The following GATA5 variants were observed in gnomAD, a reference collection of about 807,000 sequenced individuals.
The protein encoded by GATA5 is GATA binding protein 5, also known as transcription factor GATA-5.
Under a neutral mutation model 35.0 loss-of-function variants are expected in GATA5, and 27 were observed. That is an observed-to-expected ratio of 0.77 (90% CI 0.57 to 1.06). GATA5 has a LOEUF of 1.06. GATA5 is among the 50% of genes least tolerant of loss of function. GATA5 has a pLI of 0.00. For missense variants in GATA5, 612 were observed against 580.0 expected (o/e 1.06, Z -0.57); for synonymous variants, 306 against 267.8 (o/e 1.14, Z -1.39).
At position 62,471,432 on chromosome 20, in the gene GATA5, A is replaced by ATTT. The variant is rs574764628; in HGVS notation, c.699+1968_699+1970dup. ...TAAAGAGAAGTTAATTTCAATTACA[A>ATTT]TTTTTTTTTTTTTTTTTGTGATGAG... On this transcript the variant is annotated intron_variant, in intron 3 of 6. Transcript: ENST00000252997. Among the ~76,000 whole-genome samples the ATTT allele has an allele frequency of 1.6e-3, 127 of 81,776 alleles. 16 individuals carry two copies. Among genetic ancestry groups the ATTT allele is most frequent in the East Asian group, 8.0e-3 (23 of 2,878 alleles). 53.6% of individuals were successfully genotyped at this position (81,776 alleles called of 152,430 possible).
rs181577536 is a variant in GATA5, at chr20:62,473,688, G to C, written c.524-110C>G. On this transcript the variant is annotated intron_variant, in intron 2 of 6. Transcript: ENST00000252997. ...AGGAGCCTGGCGGCTTTCGTCAGAC[G>C]AATAAACTTAAGGCACAAATCTTGT... 616 of 984,946 alleles carry C rather than the reference G, an allele frequency of 6.3e-4. 4 individuals are homozygous for C. Among genetic ancestry groups the C allele is most frequent in the Admixed American group, 1.9e-3 (64 of 34,372 alleles). 61.0% of individuals were successfully genotyped at this position (984,946 alleles called of 1,614,324 possible).
At chr20:62,467,001 G>A (rs782193277) in intron 3 of GATA5, among the ~76,000 whole-genome samples, 7 of 152,310 alleles carry the variant, frequency 4.6e-5, no homozygotes, top group East Asian at 1.9e-4. Flanking sequence ...CTCCCAGGCC[G>A]GGGGGCCCCA....
chr20:62,467,704 G>A (rs1555896216), intron 3 of GATA5, among the ~76,000 whole-genome samples: 1 of 152,222 alleles, frequency 6.6e-6, no homozygotes, highest in Non-Finnish European at 1.5e-5. Flanking sequence ...GTGTGCCTCA[G>A]GCACAGGACG....
rs782240636 is a variant in GATA5, at chr20:62,475,105, G to A, written c.417C>T (p.Ser139=). ...PLGRPVGTSY[S]ATYPAYVSPD... ...GGCTCACGTAGGCCGGGTAGGTGGC[G>A]GAGTACGAGGTCCCCACCGGCCGCC... The change falls in exon 2 of 7, where the codon TCC becomes TCT. Residue 139 remains serine (S), a synonymous_variant. Coordinates refer to ENST00000252997, the MANE Select transcript of GATA5 (RefSeq NM_080473.5). 5 of 1,395,670 alleles carry A rather than the reference G, an allele frequency of 3.6e-6. No individual in the cohort carries two copies. In the African/African-American group the frequency reaches 4.5e-5, roughly 13 times the overall value. 86.5% of individuals were successfully genotyped at this position (1,395,670 alleles called of 1,614,324 possible). A position where few individuals can be genotyped will look rare whatever the true frequency, so the allele number is the denominator to read the frequency against.
intron 3 of GATA5, among the ~76,000 whole-genome samples, 154 bp downstream of exon 3, chr20:62,473,249 G>T (rs1848331968): frequency 6.6e-6 from 1 of 152,236 alleles, no homozygotes. Context: ...ACCTGAGCCG[G>T]CCTGACCTGA....
chr20:62,473,623 G>A, intron 2 of GATA5, 45 bp from the exon 3 acceptor site: 1 of 1,540,956 alleles, frequency 6.5e-7, no homozygotes, highest in Non-Finnish European at 8.8e-7. Context: ...CCCCTCCCCA[G>A]GATCCTCCCC....
intron 3 of GATA5, 61 bp from the exon 4 acceptor site, chr20:62,466,612 A>T: frequency 2.0e-6 from 3 of 1,513,100 alleles, no homozygotes; most frequent in Non-Finnish European, 2.7e-6. Context: ...GAGCAGGGGG[A>T]CGGAAGCGAG....
Position 62,465,372 on chromosome 20 carries a change from GGGACGCCA to G in GATA5, c.998_1005del (p.Leu333ProfsTer18). 1 of 1,604,216 alleles carries G rather than the reference GGGACGCCA, an allele frequency of 6.2e-7. No homozygotes were observed. The highest frequency in any genetic ancestry group is 8.5e-7 in the Non-Finnish European group (1 of 1,179,564). ...GCCATGCTGGGCCCAGGGCACACTG[GGGACGCCA>G]GGCTGGGCTTGGCTTTCGAAGTGGC... On this transcript the variant is annotated frameshift_variant, in exon 6 of 7. Coordinates refer to ENST00000252997, the MANE Select transcript of GATA5 (RefSeq NM_080473.5). LOFTEE classifies it low-confidence loss of function (END_TRUNC).
At position 62,473,514 on chromosome 20, in the gene GATA5, G is replaced by C; in HGVS notation, c.588C>G (p.Ser196=). Residue 196 remains serine (S), a synonymous_variant, in exon 3 of 7, where the codon TCC becomes TCG. Transcript: ENST00000252997. ...GRECVNCGAL[S]TPLWRRDGTG... ...TGCCGTCTCGGCGCCACAGCGGTGT[G>C]GACAGGGCCCCGCAGTTGACACACT... 1 of 1,608,756 alleles carries C rather than the reference G, an allele frequency of 6.2e-7. No individual in the cohort carries two copies. The highest frequency in any genetic ancestry group is 8.5e-7 in the Non-Finnish European group (1 of 1,178,176).
chr20:62,469,858 C>T (rs1989680476), intron 3 of GATA5, among the ~76,000 whole-genome samples: 1 of 152,168 alleles, frequency 6.6e-6, no homozygotes, highest in African/African-American at 2.4e-5. Flanking sequence ...CTGGGGAGGC[C>T]CGGGGTGGAC....
chr20:62,474,282 G>C (rs975152735), intron 2 of GATA5, among the ~76,000 whole-genome samples: 4 of 152,202 alleles, frequency 2.6e-5, no homozygotes, highest in African/African-American at 7.2e-5. Context: ...GGCGCCGAGT[G>C]GGGGTGGGGC....
intron 3 of GATA5, among the ~76,000 whole-genome samples, chr20:62,469,838 C>G (rs1989680018): frequency 6.6e-6 from 1 of 152,216 alleles, no homozygotes; most frequent in Non-Finnish European, 1.5e-5. Context: ...AGCTGCGGGA[C>G]CAGAGGAAAC....
intron 3 of GATA5, among the ~76,000 whole-genome samples, chr20:62,472,321 G>T (rs1180366602): frequency 6.6e-6 from 1 of 152,208 alleles, no homozygotes; most frequent in African/African-American, 2.4e-5. Flanking sequence ...GACCTCCCAC[G>T]CTCAGGTCCT....
In GATA5 at chr20:62,474,995, T is replaced by C; in HGVS notation, c.523+4A>G. 7.6e-7 allele frequency: 1 copy of C among 1,320,132 alleles called. No individual in the cohort carries two copies. Among genetic ancestry groups the C allele is most frequent in the Non-Finnish European group, 9.7e-7 (1 of 1,030,990 alleles). The allele number at this position is 1,320,132 out of a possible 1,614,324, so 81.8% of individuals were successfully genotyped here. A position where few individuals can be genotyped will look rare whatever the true frequency, so the allele number is the denominator to read the frequency against. On this transcript the variant is annotated splice_donor_region_variant and intron_variant, in intron 2 of 6. Coordinates refer to ENST00000252997, the MANE Select transcript of GATA5 (RefSeq NM_080473.5). Reference sequence around the variant, plus strand: ...CCCCGAGACTGTGGAGCCCCCGCACTCACCGAAGGTGGGCCTGCGGCCTGG... The same window carrying C: ...CCCCGAGACTGTGGAGCCCCCGCACCCACCGAAGGTGGGCCTGCGGCCTGG...
rs782650347 is a variant in GATA5, at chr20:62,466,407, C to T, written c.825+19G>A. On this transcript the variant is annotated intron_variant, in intron 4 of 6. Transcript: ENST00000252997. ...GCTGGACAGAGGCCTCCCCGCCCTGCCCCGGGGACCACACTCACCCCGTGC... is the reference window on the plus strand; with the variant it reads ...GCTGGACAGAGGCCTCCCCGCCCTGTCCCGGGGACCACACTCACCCCGTGC... The T allele has an allele frequency of 3.8e-6, 6 of 1,567,836 alleles. No homozygotes were observed. Among genetic ancestry groups the T allele is most frequent in the Non-Finnish European group, 4.3e-6 (5 of 1,156,888 alleles).
intron 3 of GATA5, 112 bp from the exon 4 acceptor site, chr20:62,466,663 G>A (rs1184223876): frequency 2.4e-6 from 3 of 1,260,764 alleles, no homozygotes; most frequent in African/African-American, 3.0e-5. Flanking sequence ...CCGGTGAGAA[G>A]GTCGTGAGCT....
intron 2 of GATA5, among the ~76,000 whole-genome samples, chr20:62,473,941 A>T (rs6089230): frequency 0.034 from 5,072 of 150,918 alleles, 114 homozygotes; most frequent in Non-Finnish European, 0.047. Context: ...CTGGCGGGGG[A>T]GGTGGATGAA....
intron 2 of GATA5, 109 bp from the exon 3 acceptor site, chr20:62,473,687 C>G: frequency 1.0e-6 from 1 of 990,262 alleles, no homozygotes; most frequent in Non-Finnish European, 1.5e-6. Context: ...TTTCGTCAGA[C>G]GAATAAACTT....
Position 62,464,118 on chromosome 20 carries a change from T to C in GATA5, c.*718A>G, listed in dbSNP as rs1486416967. 6.9e-6 allele frequency: 1 copy of C among 144,280 alleles called. No homozygotes were observed. The highest frequency in any genetic ancestry group is 2.5e-5 in the African/African-American group (1 of 40,758). 8.9% of individuals were successfully genotyped at this position (144,280 alleles called of 1,614,324 possible). A position where few individuals can be genotyped will look rare whatever the true frequency, so the allele number is the denominator to read the frequency against. On this transcript the variant is annotated 3_prime_UTR_variant, in exon 7 of 7. Coordinates refer to ENST00000252997, the MANE Select transcript of GATA5 (RefSeq NM_080473.5). ...GACAATTCATTCTGCCTGTCAGAAA[T>C]GGTCATGATACACAGATTCAGCTAG...
Sources: gnomAD v4.1 joint callset for allele counts (sites outside exome capture counted in the v4.1 genomes callset) on GRCh38, gnomAD v4.1.1 for gene constraint, MANE v1.5 for transcripts, NCBI Gene and HGNC (gene_info 2026-07-23, HGNC 2026-07-21) for gene names.